The following COL22A1 variants were observed in gnomAD, a reference collection of about 807,000 sequenced individuals.
COL22A1 encodes collagen alpha-1(XXII) chain.
A neutral mutation model predicts 248.9 loss-of-function variants in COL22A1; 221 were observed. The ratio of observed to expected loss-of-function variants is 0.89; its 90% CI spans 0.80 to 0.99. The LOEUF is 0.99. Ranked by LOEUF, COL22A1 falls within the 50% of genes least tolerant of loss-of-function variation. The pLI, the probability that COL22A1 is intolerant of heterozygous loss-of-function variation, is 0.00. For missense variants in COL22A1, 2,240 were observed against 2,179.0 expected (o/e 1.03, Z -0.56); for synonymous variants, 891 against 793.4 (o/e 1.12, Z -2.07).
intron 50 of COL22A1, among the ~76,000 whole-genome samples, chr8:138,627,072 G>T (rs1467458270): frequency 6.6e-6 from 1 of 152,068 alleles, no homozygotes; most frequent in East Asian, 1.9e-4. Context: ...TATTCTTAAG[G>T]TTTAGGCAAT....
intron 12 of COL22A1, among the ~76,000 whole-genome samples, chr8:138,783,573 C>T (rs1333487200): frequency 6.6e-6 from 1 of 152,112 alleles, no homozygotes; most frequent in African/African-American, 2.4e-5. Flanking sequence ...GGTGGGTCTG[C>T]CTTTCCCAGC....
At chr8:138,607,020 T>C (rs897702496) in intron 57 of COL22A1, among the ~76,000 whole-genome samples, 1 of 152,292 alleles carries the variant, frequency 6.6e-6, no homozygotes, top group African/African-American at 2.4e-5. Flanking sequence ...GAGGTCATTA[T>C]GTTTGCTAGG....
intron 16 of COL22A1, among the ~76,000 whole-genome samples, chr8:138,768,028 C>T (rs1210269800): frequency 2.0e-5 from 3 of 152,198 alleles, no homozygotes; most frequent in Non-Finnish European, 4.4e-5. Flanking sequence ...AGCAGGATGG[C>T]CCAGGTGTCC....
intron 2 of COL22A1, among the ~76,000 whole-genome samples, chr8:138,879,775 G>C (rs2132052809): frequency 6.6e-6 from 1 of 151,660 alleles, no homozygotes; most frequent in South Asian, 2.1e-4. Flanking sequence ...GGTGGGGTTT[G>C]GCCATCCAAA....
intron 22 of COL22A1, among the ~76,000 whole-genome samples, chr8:138,750,799 C>T (rs1233982618): frequency 6.6e-6 from 1 of 152,166 alleles, no homozygotes; most frequent in Non-Finnish European, 1.5e-5. Flanking sequence ...CTGCCCTGTG[C>T]CAGGTACCTT....
chr8:138,897,607 A>AG (rs1251782021), intron 1 of COL22A1, among the ~76,000 whole-genome samples: 14 of 152,220 alleles, frequency 9.2e-5, no homozygotes, highest in African/African-American at 3.4e-4. Context: ...CTAAGAGTGA[A>AG]GGCCATCCTG....
At chr8:138,660,874 A>G (rs1299880828) in intron 43 of COL22A1, among the ~76,000 whole-genome samples, 11 of 102,664 alleles carry the variant, frequency 1.1e-4, no homozygotes, top group Non-Finnish European at 2.3e-4. Context: ...ACAAACACAC[A>G]GACACACACA....
At chr8:138,630,112 C>A (rs1351811464) in intron 50 of COL22A1, among the ~76,000 whole-genome samples, 2 of 152,106 alleles carry the variant, frequency 1.3e-5, no homozygotes, top group Admixed American at 1.3e-4. Context: ...TGTGGTTCAC[C>A]CTTTATGGCA....
rs1832901797 is a variant in COL22A1, at chr8:138,755,226, A to T, written c.1978-16T>A. ...CTGGAGCTCCCTGGTAACACAAGCC[A>T]AACAGATGTTTAGTCATGACTTTTC... On this transcript the variant is annotated splice_polypyrimidine_tract_variant and intron_variant, in intron 20 of 64. Transcript: ENST00000303045. The T allele has an allele frequency of 1.2e-6, 2 of 1,613,470 alleles. No homozygotes were observed. The highest frequency in any genetic ancestry group is 1.7e-5 in the Admixed American group (1 of 60,008).
intron 3 of COL22A1, among the ~76,000 whole-genome samples, chr8:138,868,582 T>A (rs181894050): frequency 1.1e-3 from 165 of 152,226 alleles, no homozygotes; most frequent in African/African-American, 3.6e-3. Context: ...ACATAATAAA[T>A]ACACACTCAC....
chr8:138,840,632 G>C (rs1820813305), intron 4 of COL22A1, among the ~76,000 whole-genome samples: 1 of 152,042 alleles, frequency 6.6e-6, no homozygotes, highest in Non-Finnish European at 1.5e-5. Flanking sequence ...CTGTCACCCA[G>C]GCTGGAGTGC....
chr8:138,779,201 T>G (rs780328921), intron 14 of COL22A1, among the ~76,000 whole-genome samples: 1 of 152,248 alleles, frequency 6.6e-6, no homozygotes, highest in Non-Finnish European at 1.5e-5. Context: ...TATCCATGTA[T>G]GATTGGGTAC....
chr8:138,725,416 G>A lies in COL22A1; in HGVS notation c.2164C>T (p.Pro722Ser), dbSNP rs76179240. The A allele has an allele frequency of 4.7e-5, 76 of 1,613,884 alleles. No individual in the cohort carries two copies. The highest frequency in any genetic ancestry group is 6.2e-5 in the Non-Finnish European group (73 of 1,180,014). The part of the protein sequence containing the change: ...LQGPPGPPGV[P>S]GPPGPGGSPG... ...GAACCTCCCGGTCCAGGGGGGCCTG[G>A]GACACCAGGGGGTCCTGGAGGGCCC... The change falls in exon 24 of 65, where the codon CCA becomes TCA. Residue 722 changes from proline to serine, a missense_variant. By Grantham distance (74) the Pro-to-Ser change is moderately conservative. Transcript: ENST00000303045.
chr8:138,589,657 C>T (rs779673840), intron 64 of COL22A1, among the ~76,000 whole-genome samples: 1 of 152,150 alleles, frequency 6.6e-6, no homozygotes, highest in African/African-American at 2.4e-5. Flanking sequence ...GTTGCTTTAA[C>T]TATTTGACCT....
rs1414581815 is a variant in COL22A1, at chr8:138,623,615, T to C, written c.3771+117A>G. On this transcript the variant is annotated intron_variant, in intron 52 of 64. Transcript: ENST00000303045. ...GTGCAGGAGTATGTAAATGAAATAA[T>C]GCATAGAAAATGCCTATCTTCGAGA... is the stretch of plus-strand genomic sequence containing the variant. 21 of 816,460 alleles carry C rather than the reference T, an allele frequency of 2.6e-5. No individual in the cohort carries two copies. In the Admixed American group the frequency reaches 4.9e-4, roughly 19 times the overall value. The allele number at this position is 816,460 out of a possible 1,614,324, so 50.6% of individuals were successfully genotyped here. A position where few individuals can be genotyped will look rare whatever the true frequency, so the allele number is the denominator to read the frequency against.
chr8:138,821,467 G>A, intron 6 of COL22A1, 56 bp from the exon 7 acceptor site: 1 of 1,556,682 alleles, frequency 6.4e-7, no homozygotes, highest in Non-Finnish European at 8.8e-7. Context: ...GGGAAAAGGA[G>A]AGAATGGGAA....
chr8:138,861,710 G>T (rs1822471587), intron 3 of COL22A1, among the ~76,000 whole-genome samples: 1 of 152,138 alleles, frequency 6.6e-6, no homozygotes, highest in South Asian at 2.1e-4. Context: ...TTGCCTCTGT[G>T]TCTCCTGACC....
intron 12 of COL22A1, among the ~76,000 whole-genome samples, chr8:138,790,517 G>C (rs866488126): frequency 6.6e-6 from 1 of 152,186 alleles, no homozygotes; most frequent in African/African-American, 2.4e-5. Flanking sequence ...TCCACATGTC[G>C]TGGAACTCCC....
chr8:138,882,992 C>T (rs1252678813), intron 2 of COL22A1, 90 bp downstream of exon 2: 1 of 1,163,006 alleles, frequency 8.6e-7, no homozygotes, highest in African/African-American at 1.5e-5. Context: ...TGTGAACTCA[C>T]TTGCATGCAC....
Sources: gnomAD v4.1 joint callset for allele counts (sites outside exome capture counted in the v4.1 genomes callset) on GRCh38, gnomAD v4.1.1 for gene constraint, MANE v1.5 for transcripts, NCBI Gene and HGNC (gene_info 2026-07-23, HGNC 2026-07-21) for gene names.